Variants in KIAA2012 observed in about 807,000 individuals in gnomAD.
KIAA2012 encodes the protein uncharacterized protein KIAA2012.
A neutral mutation model predicts 150.6 loss-of-function variants in KIAA2012; 125 were observed. The observed-to-expected ratio is 0.83, with a 90% CI of 0.72 to 0.96. The LOEUF (loss-of-function observed/expected upper bound fraction) is 0.96, where lower values mean the gene tolerates loss of function less well. KIAA2012 is among the 40% of genes least tolerant of loss of function. The probability of loss-of-function intolerance (pLI) is 0.00; values close to 1 mark genes in which losing one functional copy is unlikely to be tolerated. For synonymous variants in KIAA2012, 462 were observed against 504.7 expected (o/e 0.92, Z 1.13); for missense variants, 1,219 against 1,354.9 (o/e 0.90, Z 1.57).
At chr2:202,138,360 G>A (rs1483875318) in intron 12 of KIAA2012, 72 bp from the exon 13 acceptor site, 3 of 990,478 alleles carry the variant, frequency 3.0e-6, no homozygotes, top group Non-Finnish European at 4.7e-6. Flanking sequence ...GTGTGTGTAT[G>A]GTATATATAA....
At chr2:202,087,510 C>CAAAAAAAAA (rs59728832) in intron 2 of KIAA2012, among the ~76,000 whole-genome samples, 11 of 52,516 alleles carry the variant, frequency 2.1e-4, no homozygotes, top group African/African-American at 2.5e-4. Flanking sequence ...GAAACCATCT[C>CAAAAAAAAA]AAAAAAAAAA....
chr2:202,116,414 C>T (rs560687860), intron 11 of KIAA2012: 1 of 156,280 alleles, frequency 6.4e-6, no homozygotes, highest in South Asian at 2.0e-4. Flanking sequence ...GCTATCCTCC[C>T]ACCTCAGCCT....
At chr2:202,163,287 A>T (rs1489736115) in intron 14 of KIAA2012, among the ~76,000 whole-genome samples, 2 of 151,682 alleles carry the variant, frequency 1.3e-5, no homozygotes, top group East Asian at 1.9e-4. Flanking sequence ...TATTTTTAGT[A>T]GATACAGGTT....
chr2:202,078,878 C>T (rs528654579), intron 2 of KIAA2012, among the ~76,000 whole-genome samples: 5 of 152,224 alleles, frequency 3.3e-5, no homozygotes, highest in African/African-American at 1.2e-4. Flanking sequence ...AACATCACCT[C>T]TCTAATATAA....
rs138775351 is a variant in KIAA2012 at position 202,155,698 on chromosome 2, T to C, written c.2046+888T>C. On this transcript the variant is annotated intron_variant, in intron 14 of 23. Transcript: ENST00000498697. Reference sequence around the variant, plus strand: ...TGCGGAGTGCATGATGGTGGCTCTATCTAGTGCTATAGACTGGCAGGGCCT... The same window carrying C: ...TGCGGAGTGCATGATGGTGGCTCTACCTAGTGCTATAGACTGGCAGGGCCT... 3.1e-3 allele frequency among the ~76,000 whole-genome samples: 470 copies of C among 152,316 alleles called. 3 individuals carry two copies. Among genetic ancestry groups the C allele is most frequent in the African/African-American group, 0.01 (435 of 41,560 alleles).
intron 11 of KIAA2012, among the ~76,000 whole-genome samples, chr2:202,118,417 T>C (rs752577827): frequency 3.3e-5 from 5 of 152,164 alleles, no homozygotes; most frequent in Non-Finnish European, 7.3e-5. Flanking sequence ...AGATAATCTT[T>C]GCAGCTAGGG....
At position 202,196,904 on chromosome 2, in the gene KIAA2012, A is replaced by C; in HGVS notation, c.3292A>C (p.Lys1098Gln). 6.4e-7 allele frequency: 1 copy of C among 1,550,730 alleles called. No homozygotes were observed. The highest frequency in any genetic ancestry group is 1.2e-5 in the South Asian group (1 of 84,058). ...EEERLEYQRR[K>Q]QEAEEKARLE... ...GGAACGACTGGAGTACCAGCGGCGG[A>C]AACAGGAAGCAGAAGAGAAGGCTCG... The change falls in exon 22 of 24, where the codon AAA becomes CAA. Residue 1098 changes from lysine (K) to glutamine (Q), a missense_variant. Lys to Gln is a moderately conservative substitution (Grantham distance 53). Coordinates refer to ENST00000498697, the MANE Select transcript of KIAA2012 (RefSeq NM_001277372.4).
chr2:202,101,516 C>T (rs1263011258), intron 7 of KIAA2012, among the ~76,000 whole-genome samples: 1 of 152,222 alleles, frequency 6.6e-6, no homozygotes, highest in Non-Finnish European at 1.5e-5. Flanking sequence ...GAGTCCCTTC[C>T]CTCAACCCAT....
chr2:202,077,189 T>G (rs896506499), intron 2 of KIAA2012: 7 of 378,822 alleles, frequency 1.8e-5, no homozygotes, highest in Non-Finnish European at 3.1e-5. Flanking sequence ...CCCCCCCAGC[T>G]GTTTGGCTTC....
intron 2 of KIAA2012, among the ~76,000 whole-genome samples, chr2:202,089,100 A>G (rs952866524): frequency 1.2e-4 from 18 of 152,236 alleles, no homozygotes; most frequent in African/African-American, 4.3e-4. Context: ...CTGCAGGCCC[A>G]TAAGACTGAA....
chr2:202,090,985 G>A lies in KIAA2012; in HGVS notation c.529+56G>A, dbSNP rs141809974. On this transcript the variant is annotated intron_variant, in intron 3 of 23. Transcript: ENST00000498697. ...CCAAACTGCCCCACCTCCCATTCTGGTGTGACAGTGTGTTTTCCATCAAGA... is the reference window on the plus strand; with the variant it reads ...CCAAACTGCCCCACCTCCCATTCTGATGTGACAGTGTGTTTTCCATCAAGA... 1.0e-4 allele frequency: 150 copies of A among 1,476,324 alleles called. 2 individuals are homozygous for A. The East Asian group carries it at 3.6e-3, about 35-fold the overall frequency. 91.5% of individuals were successfully genotyped at this position (1,476,324 alleles called of 1,614,324 possible). A position where few individuals can be genotyped will look rare whatever the true frequency, so the allele number is the denominator to read the frequency against.
chr2:202,099,704 A>G lies in KIAA2012; in HGVS notation c.920A>G (p.His307Arg), dbSNP rs1261533956. The change falls in exon 6 of 24, where the codon CAT becomes CGT. Residue 307 changes from histidine (H) to arginine (R), a missense_variant. By Grantham distance (29) the His-to-Arg change is conservative (BLOSUM62 0). Transcript: ENST00000498697. ...TQQTSRKAFG[H>R]GRIDHSWLPS... ...CAAACCTCCAGGAAGGCCTTTGGGC[A>G]TGGCCGCATCGATCACTCTTGGCTC... 7 of 1,550,534 alleles carry G rather than the reference A, an allele frequency of 4.5e-6. No homozygotes were observed. Among genetic ancestry groups the G allele is most frequent in the Non-Finnish European group, 5.2e-6 (6 of 1,146,992 alleles).
intron 7 of KIAA2012, among the ~76,000 whole-genome samples, chr2:202,101,905 T>G (rs1043935305): frequency 1.3e-5 from 2 of 151,676 alleles, no homozygotes; most frequent in Admixed American, 6.6e-5. Flanking sequence ...GCTTCTGATC[T>G]TTTTTTTTCT....
chr2:202,172,874 G>T (rs546307194), intron 15 of KIAA2012, among the ~76,000 whole-genome samples: 1 of 152,242 alleles, frequency 6.6e-6, no homozygotes. Flanking sequence ...ACATTGCCCA[G>T]TATGATGCCT....
At chr2:202,159,814 C>G (rs1363739849) in intron 14 of KIAA2012, among the ~76,000 whole-genome samples, 1 of 152,138 alleles carries the variant, frequency 6.6e-6, no homozygotes, top group Non-Finnish European at 1.5e-5. Context: ...TGCACTCCAG[C>G]CTGGGCAACA....
intron 14 of KIAA2012, among the ~76,000 whole-genome samples, chr2:202,164,989 G>C (rs1047018120): frequency 6.6e-6 from 1 of 151,820 alleles, no homozygotes; most frequent in Non-Finnish European, 1.5e-5. Context: ...ATGTTGCCCA[G>C]GCTGGACTCA....
chr2:202,142,157 A>G (rs191904665), intron 13 of KIAA2012, among the ~76,000 whole-genome samples: 14 of 152,358 alleles, frequency 9.2e-5, no homozygotes, highest in Non-Finnish European at 2.1e-4. Flanking sequence ...TGTAAGTACC[A>G]TCTTATATCT....
intron 13 of KIAA2012, among the ~76,000 whole-genome samples, chr2:202,141,224 C>T (rs939871619): frequency 2.0e-5 from 3 of 152,138 alleles, no homozygotes; most frequent in Non-Finnish European, 4.4e-5. Flanking sequence ...GCTCCTTCCT[C>T]CAGCACACGA....
At chr2:202,133,130 A>ATATATTTTTTTTTTTT (rs1279080237) in intron 12 of KIAA2012, among the ~76,000 whole-genome samples, 1 of 67,780 alleles carries the variant, frequency 1.5e-5, no homozygotes, top group South Asian at 5.3e-4. Context: ...ATATATATAT[A>ATATATTTTTTTTTTTT]TTTTTTTTTT....
Sources: allele counts gnomAD v4.1 joint callset (sites outside exome capture counted in the v4.1 genomes callset), GRCh38; gene constraint gnomAD v4.1.1; transcripts MANE v1.5; gene names NCBI Gene and HGNC (gene_info 2026-07-23, HGNC 2026-07-21).